Variants in TOX observed in about 807,000 individuals in gnomAD.
TOX encodes the protein thymocyte selection-associated high mobility group box protein TOX.
A neutral mutation model predicts 53.7 loss-of-function variants in TOX; 11 were observed. That is an observed-to-expected ratio of 0.20 (90% CI 0.13 to 0.34). The LOEUF (loss-of-function observed/expected upper bound fraction) is 0.34. Among genes scored for constraint, TOX ranks in the 10% least tolerant of loss-of-function variants. TOX has a pLI of 1.00. For missense variants in TOX, 570 were observed against 664.6 expected, an observed-to-expected ratio of 0.86 and a Z score of 1.56; for synonymous variants, 225 against 245.3, an observed-to-expected ratio of 0.92 and a Z score of 0.77.
At chr8:58,923,994 T>C (rs1314055415) in intron 3 of TOX, among the ~76,000 whole-genome samples, 1 of 152,222 alleles carries the variant, frequency 6.6e-6, no homozygotes, top group East Asian at 1.9e-4. Flanking sequence ...TCAACTTTCA[T>C]ATCAATTTTG....
intron 1 of TOX, among the ~76,000 whole-genome samples, chr8:59,089,223 T>C (rs1804565521): frequency 6.6e-6 from 1 of 152,250 alleles, no homozygotes; most frequent in Non-Finnish European, 1.5e-5. Flanking sequence ...CTTACGTGTT[T>C]ACAGGTGTAT....
At chr8:58,957,387 A>C (rs1812728078) in intron 2 of TOX, among the ~76,000 whole-genome samples, 1 of 152,232 alleles carries the variant, frequency 6.6e-6, no homozygotes, top group Non-Finnish European at 1.5e-5. Flanking sequence ...ATAAGGTGGT[A>C]TATTCAATTT....
At chr8:59,071,368 A>G (rs1005059648) in intron 1 of TOX, among the ~76,000 whole-genome samples, 8 of 152,170 alleles carry the variant, frequency 5.3e-5, no homozygotes, top group Non-Finnish European at 8.8e-5. Context: ...TTCATATGGA[A>G]TGCTCTCCAC....
At chr8:58,826,656 G>C (rs1330313058) in intron 6 of TOX, among the ~76,000 whole-genome samples, 166 bp downstream of exon 6, 1 of 152,190 alleles carries the variant, frequency 6.6e-6, no homozygotes, top group Non-Finnish European at 1.5e-5. Context: ...TTTTGGAGCT[G>C]AACGAATATT....
chr8:58,942,006 G>C (rs2129176762), intron 2 of TOX, among the ~76,000 whole-genome samples: 1 of 148,650 alleles, frequency 6.7e-6, no homozygotes, highest in South Asian at 2.1e-4. Flanking sequence ...TGAGCTGAGA[G>C]CGTGCCACGA....
At chr8:58,871,181 A>AG (rs1266355300) in intron 3 of TOX, among the ~76,000 whole-genome samples, 1 of 151,796 alleles carries the variant, frequency 6.6e-6, no homozygotes, top group Non-Finnish European at 1.5e-5. Flanking sequence ...TCAAAAAAAA[A>AG]AAAAAAAAAA....
intron 3 of TOX, among the ~76,000 whole-genome samples, chr8:58,911,768 A>G (rs1160128059): frequency 1.3e-5 from 2 of 152,082 alleles, no homozygotes; most frequent in East Asian, 3.9e-4. Flanking sequence ...CAATGGTGCA[A>G]TCTTGGCTCA....
chr8:59,030,296 G>A (rs1291002993), intron 1 of TOX, among the ~76,000 whole-genome samples: 1 of 151,928 alleles, frequency 6.6e-6, no homozygotes, highest in Non-Finnish European at 1.5e-5. Flanking sequence ...AAGATGTAGG[G>A]GCCCTGTTTA....
chr8:59,079,586 A>G (rs145588789), intron 1 of TOX, among the ~76,000 whole-genome samples: 38 of 152,328 alleles, frequency 2.5e-4, no homozygotes, highest in African/African-American at 8.2e-4. Flanking sequence ...GGGTGCACAG[A>G]GTGCAAGAGT....
intron 1 of TOX, among the ~76,000 whole-genome samples, chr8:59,009,587 G>C (rs1813861082): frequency 6.6e-6 from 1 of 152,008 alleles, no homozygotes; most frequent in African/African-American, 2.4e-5. Flanking sequence ...TGGCCAGGCT[G>C]GTCTCGAACT....
intron 1 of TOX, among the ~76,000 whole-genome samples, chr8:59,070,125 T>C (rs1479806604): frequency 6.6e-6 from 1 of 152,228 alleles, no homozygotes; most frequent in African/African-American, 2.4e-5. Flanking sequence ...AGCTAATTTA[T>C]AACAAATATG....
chr8:58,945,812 T>C (rs533712579), intron 2 of TOX, among the ~76,000 whole-genome samples: 2 of 152,324 alleles, frequency 1.3e-5, no homozygotes, highest in South Asian at 4.1e-4. Context: ...GGAAATCTCT[T>C]TTAAACGTTG....
At chr8:59,094,457 G>A (rs1484357197) in intron 1 of TOX, among the ~76,000 whole-genome samples, 2 of 152,110 alleles carry the variant, frequency 1.3e-5, no homozygotes, top group Non-Finnish European at 2.9e-5. Flanking sequence ...GGCCAACGTA[G>A]TGAAACCCTG....
rs1238672490 is a variant in TOX, at chr8:58,947,567, G to T, written c.169-8023C>A. Among the ~76,000 whole-genome samples, 4 of 152,130 alleles carry T rather than the reference G, an allele frequency of 2.6e-5. 1 individual carries two copies. The highest frequency in any genetic ancestry group is 2.6e-4 in the Admixed American group (4 of 15,278). ...CTGTGAGTGTTCTTATGGCGATATG[G>T]TTATTTGCATAAGTCCAATAAAAAT... is the stretch of plus-strand genomic sequence containing the variant. On this transcript the variant is annotated intron_variant, in intron 2 of 8. Coordinates refer to ENST00000361421, the MANE Select transcript of TOX (RefSeq NM_014729.3).
At chr8:58,832,153 ATAATATATG>A (rs896306076) in intron 5 of TOX, among the ~76,000 whole-genome samples, 121 of 125,598 alleles carry the variant, frequency 9.6e-4, no homozygotes, top group Admixed American at 3.3e-3. Flanking sequence ...TATGTAATAT[ATAATATATG>A]TAATATATGT....
chr8:59,049,856 C>T (rs575008797), intron 1 of TOX, among the ~76,000 whole-genome samples: 3 of 152,190 alleles, frequency 2.0e-5, no homozygotes, highest in East Asian at 1.9e-4. Flanking sequence ...TTAGAAAGTT[C>T]GCCTCTCTTT....
intron 1 of TOX, among the ~76,000 whole-genome samples, chr8:58,972,706 ACAT>A (rs1392275010): frequency 6.6e-6 from 1 of 152,200 alleles, no homozygotes; most frequent in Non-Finnish European, 1.5e-5. Flanking sequence ...TTTAATACTC[ACAT>A]CAAAGAAATT....
At chr8:58,961,350 A>G (rs1044621670) in intron 1 of TOX, among the ~76,000 whole-genome samples, 30 of 152,202 alleles carry the variant, frequency 2.0e-4, no homozygotes, top group Admixed American at 1.9e-3. Flanking sequence ...ATTTCACATT[A>G]TGTGAACAAC....
Position 58,885,244 on chromosome 8 carries a change from G to A in TOX, c.412-33439C>T, listed in dbSNP as rs184344254. On this transcript the variant is annotated intron_variant, in intron 3 of 8. Coordinates refer to ENST00000361421, the MANE Select transcript of TOX (RefSeq NM_014729.3). ...TCTACTGCAAAATACGACAAAAGCAGTAATCTCATAATTACTGGTACCTTA... is the reference window on the plus strand; with the variant it reads ...TCTACTGCAAAATACGACAAAAGCAATAATCTCATAATTACTGGTACCTTA... 6.0e-4 allele frequency among the ~76,000 whole-genome samples: 92 copies of A among 152,148 alleles called. 1 individual carries two copies. The highest frequency in any genetic ancestry group is 1.0e-3 in the Admixed American group (16 of 15,274).
Sources: allele counts gnomAD v4.1 joint callset (sites outside exome capture counted in the v4.1 genomes callset), GRCh38; gene constraint gnomAD v4.1.1; transcripts MANE v1.5; gene names NCBI Gene and HGNC (gene_info 2026-07-23, HGNC 2026-07-21).